The following RCOR1 variants were observed in gnomAD, a reference collection of about 807,000 sequenced individuals.
RCOR1 encodes the protein REST corepressor.
A neutral mutation model predicts 64.0 loss-of-function variants in RCOR1; 12 were observed. The ratio of observed to expected loss-of-function variants is 0.19; its 90% CI spans 0.12 to 0.30. RCOR1 has a LOEUF of 0.30. Ranked by LOEUF, RCOR1 falls within the 10% of genes least tolerant of loss-of-function variation. The pLI, the probability that RCOR1 is intolerant of heterozygous loss-of-function variation, is 1.00. For missense variants in RCOR1, 502 were observed against 621.2 expected (o/e 0.81, Z 2.04); for synonymous variants, 279 against 227.2 (o/e 1.23, Z -2.05).
chr14:102,697,182 G>A (rs1895668119), intron 3 of RCOR1, among the ~76,000 whole-genome samples: 1 of 152,238 alleles, frequency 6.6e-6, no homozygotes, highest in Non-Finnish European at 1.5e-5. Flanking sequence ...TCTGTGAGGA[G>A]AGGAGGAGGA....
chr14:102,689,494 G>A (rs1340828041), intron 3 of RCOR1, among the ~76,000 whole-genome samples: 1 of 152,172 alleles, frequency 6.6e-6, no homozygotes, highest in East Asian at 1.9e-4. Context: ...ATGGGCTGCT[G>A]TTGCCTTGGG....
chr14:102,622,009 A>G (rs1595198292), intron 2 of RCOR1, among the ~76,000 whole-genome samples: 2 of 152,310 alleles, frequency 1.3e-5, no homozygotes, highest in East Asian at 3.9e-4. Flanking sequence ...ACGAAGGCAG[A>G]CAACTGGGTA....
chr14:102,698,447 C>A (rs375629087), intron 3 of RCOR1, among the ~76,000 whole-genome samples: 1 of 152,226 alleles, frequency 6.6e-6, no homozygotes, highest in African/African-American at 2.4e-5. Flanking sequence ...GGTGATCATA[C>A]ATACATTCCT....
rs8004816 is a variant in RCOR1, at chr14:102,682,898, G to A, written c.445+920G>A. 9.4e-3 allele frequency among the ~76,000 whole-genome samples: 1,433 copies of A among 152,188 alleles called. 24 individuals carry two copies. Among genetic ancestry groups the A allele is most frequent in the African/African-American group, 0.033 (1,356 of 41,510 alleles). On this transcript the variant is annotated intron_variant, in intron 3 of 11. Transcript: ENST00000262241. ...AAAAGTAGCACAGATAGTGAGTGGCGGAACCCCAAGTAGTTCACTCCTGGG... is the reference window on the plus strand; with the variant it reads ...AAAAGTAGCACAGATAGTGAGTGGCAGAACCCCAAGTAGTTCACTCCTGGG...
chr14:102,696,037 G>C (rs116264511), intron 3 of RCOR1, among the ~76,000 whole-genome samples: 142 of 152,164 alleles, frequency 9.3e-4, no homozygotes, highest in African/African-American at 3.3e-3. Flanking sequence ...GACGTTAGCT[G>C]TTGTTTCTGC....
At position 102,620,289 on chromosome 14, in the gene RCOR1, G is replaced by A. The variant is rs375289030; in HGVS notation, c.361+26964G>A. 1.8e-4 allele frequency among the ~76,000 whole-genome samples: 27 copies of A among 151,176 alleles called. No individual in the cohort carries two copies. The South Asian group carries it at 2.9e-3, about 16-fold the overall frequency. On this transcript the variant is annotated intron_variant, in intron 2 of 11. Transcript: ENST00000262241. ...CACCATGAAAAAAATTAGTCGCGGC[G>A]GGGTGCGGTGGCTCACGCCTGTAAT...
chr14:102,691,437 C>T (rs1018073028), intron 3 of RCOR1, among the ~76,000 whole-genome samples: 2 of 151,954 alleles, frequency 1.3e-5, no homozygotes, highest in Non-Finnish European at 2.9e-5. Context: ...CACGTGCCCC[C>T]GATTCTAAAA....
chr14:102,717,355 C>A (rs763274569), intron 8 of RCOR1, among the ~76,000 whole-genome samples: 2 of 152,330 alleles, frequency 1.3e-5, no homozygotes, highest in Non-Finnish European at 2.9e-5. Context: ...AAGAGCAGGG[C>A]GTGCTGCTGT....
At chr14:102,657,976 T>A (rs1894760061) in intron 2 of RCOR1, 1 of 953,128 alleles carries the variant, frequency 1.0e-6, no homozygotes, top group Non-Finnish European at 1.2e-6. Flanking sequence ...TTTAATTAAT[T>A]TTTATTTATT....
intron 2 of RCOR1, among the ~76,000 whole-genome samples, chr14:102,602,262 A>G (rs781177390): frequency 2.0e-5 from 3 of 152,144 alleles, no homozygotes; most frequent in Non-Finnish European, 4.4e-5. Context: ...CCAAACAAGT[A>G]CATTTCCACT....
At chr14:102,661,320 C>A (rs1327085334) in intron 2 of RCOR1, among the ~76,000 whole-genome samples, 1 of 152,126 alleles carries the variant, frequency 6.6e-6, no homozygotes, top group African/African-American at 2.4e-5. Context: ...TGCACTCCAG[C>A]CTGGGCAACA....
chr14:102,693,263 A>G (rs188693459), intron 3 of RCOR1, among the ~76,000 whole-genome samples: 71 of 152,110 alleles, frequency 4.7e-4, no homozygotes, highest in African/African-American at 9.4e-4. Flanking sequence ...TTGTATGACT[A>G]TTTCTCTCTC....
chr14:102,593,210 GC>G (rs1567400290), intron 1 of RCOR1, 23 bp downstream of exon 1: 6 of 1,475,324 alleles, frequency 4.1e-6, no homozygotes, highest in East Asian at 2.9e-5. Context: ...CGCCCCCGCG[GC>G]CCCGGGCCCC....
chr14:102,612,021 C>T (rs4906240), intron 2 of RCOR1, among the ~76,000 whole-genome samples: 141,610 of 152,132 alleles, frequency 0.93, 66,137 homozygotes, highest in African/African-American at 0.98. Flanking sequence ...CCCAGGCTGG[C>T]CTTGAAGACT....
chr14:102,639,831 T>TATTCATTC lies in RCOR1; in HGVS notation c.362-42037_362-42030dup, dbSNP rs34567389. 1.8e-3 allele frequency among the ~76,000 whole-genome samples: 270 copies of TATTCATTC among 147,414 alleles called. 2 individuals are homozygous for TATTCATTC. The highest frequency in any genetic ancestry group is 6.5e-3 in the African/African-American group (258 of 39,736). On this transcript the variant is annotated intron_variant, in intron 2 of 11. Transcript: ENST00000262241. ...TACAGGTGTGACACTGAGCTCAGCC[T>TATTCATTC]ATTCATTCATTCATTCATTCATTCA...
chr14:102,673,939 T>A (rs1022215963), intron 2 of RCOR1, among the ~76,000 whole-genome samples: 1 of 152,242 alleles, frequency 6.6e-6, no homozygotes, highest in African/African-American at 2.4e-5. Flanking sequence ...TTAAAGATTT[T>A]CCTCTATTTT....
intron 2 of RCOR1, among the ~76,000 whole-genome samples, chr14:102,632,887 C>A (rs1473497475): frequency 6.6e-6 from 1 of 150,914 alleles, no homozygotes; most frequent in Non-Finnish European, 1.5e-5. Flanking sequence ...TTATAGCCCC[C>A]TGCAGCCTCA....
At chr14:102,677,369 T>C (rs1378893135) in intron 2 of RCOR1, among the ~76,000 whole-genome samples, 8 of 118,854 alleles carry the variant, frequency 6.7e-5, no homozygotes, top group Admixed American at 1.6e-4. Context: ...CCGGACGGGG[T>C]GGCTGCCGGG....
At chr14:102,686,131 G>C (rs1895412889) in intron 3 of RCOR1, among the ~76,000 whole-genome samples, 1 of 151,936 alleles carries the variant, frequency 6.6e-6, no homozygotes, top group Non-Finnish European at 1.5e-5. Flanking sequence ...AGAGGATCTT[G>C]GCTCTGTTGT....
Sources: allele counts gnomAD v4.1 joint callset (sites outside exome capture counted in the v4.1 genomes callset), GRCh38; gene constraint gnomAD v4.1.1; transcripts MANE v1.5; gene names NCBI Gene and HGNC (gene_info 2026-07-23, HGNC 2026-07-21).